Variants in THSD7B observed in about 807,000 individuals in gnomAD.
The protein encoded by THSD7B is thrombospondin type-1 domain-containing protein 7B.
In THSD7B, 138 loss-of-function variants were observed where a neutral mutation model predicts 213.6. That is an observed-to-expected ratio of 0.65 (90% CI 0.56 to 0.74). THSD7B has a LOEUF of 0.74. Ranked by LOEUF, THSD7B falls within the 30% of genes least tolerant of loss-of-function variation. The probability of loss-of-function intolerance (pLI) is 0.00; values close to 1 mark genes in which losing one functional copy is unlikely to be tolerated. For missense variants in THSD7B, 1,931 were observed against 1,991.5 expected (o/e 0.97, Z 0.58); for synonymous variants, 742 against 687.0 (o/e 1.08, Z -1.25).
chr2:137,405,572 T>G lies in THSD7B; in HGVS notation c.2501-41T>G, dbSNP rs749846105. The G allele has an allele frequency of 2.6e-6, 4 of 1,539,642 alleles. No homozygotes were observed. In the African/African-American group the frequency reaches 5.5e-5, roughly 21 times the overall value. On this transcript the variant is annotated intron_variant, in intron 12 of 27. Transcript: ENST00000409968. ...GTCAAAGAACCAGCAGCTGACTGAT[T>G]TAATCAAAATAATAACAAAAGAATT...
chr2:137,516,619 G>A (rs1424728753), intron 15 of THSD7B, among the ~76,000 whole-genome samples: 1 of 152,166 alleles, frequency 6.6e-6, no homozygotes, highest in Non-Finnish European at 1.5e-5. Context: ...GTAATTTATG[G>A]AGTTTTAGCT....
chr2:137,354,081 C>T (rs1388051417), intron 12 of THSD7B, among the ~76,000 whole-genome samples: 1 of 151,934 alleles, frequency 6.6e-6, no homozygotes, highest in East Asian at 1.9e-4. Flanking sequence ...ATTTCCCTCC[C>T]CTCTGCTTGA....
At chr2:136,769,639 A>G (rs1681470059) in intron 1 of THSD7B, among the ~76,000 whole-genome samples, 1 of 152,234 alleles carries the variant, frequency 6.6e-6, no homozygotes, top group Admixed American at 6.5e-5. Flanking sequence ...AGTATGTATA[A>G]AAGCATCGCT....
intron 25 of THSD7B, 127 bp from the exon 26 acceptor site, chr2:137,663,256 T>A: frequency 1.5e-6 from 1 of 666,194 alleles, no homozygotes; most frequent in Non-Finnish European, 2.2e-6. Context: ...CACTGGTAAG[T>A]CAGTTGCCCC....
chr2:137,496,737 T>G (rs112014350), intron 15 of THSD7B, among the ~76,000 whole-genome samples: 30 of 152,328 alleles, frequency 2.0e-4, no homozygotes, highest in African/African-American at 6.7e-4. Flanking sequence ...AAATACCTCA[T>G]GAGTAGAGGC....
At chr2:137,117,269 C>G (rs1281220414) in intron 5 of THSD7B, among the ~76,000 whole-genome samples, 1 of 152,056 alleles carries the variant, frequency 6.6e-6, no homozygotes, top group Non-Finnish European at 1.5e-5. Context: ...ATAGATGTAC[C>G]TTGACAAATC....
At chr2:137,601,306 C>T (rs1368113617) in intron 17 of THSD7B, among the ~76,000 whole-genome samples, 1 of 152,184 alleles carries the variant, frequency 6.6e-6, no homozygotes, top group Non-Finnish European at 1.5e-5. Flanking sequence ...GGCACAACTT[C>T]CAGTCCTGCA....
In THSD7B at chr2:137,432,427, C is replaced by A. The variant is rs563375777; in HGVS notation, c.2960-18418C>A. Among the ~76,000 whole-genome samples, 5 of 152,118 alleles carry A rather than the reference C, an allele frequency of 3.3e-5. No homozygotes were observed. The East Asian group carries it at 9.7e-4, about 29-fold the overall frequency. On this transcript the variant is annotated intron_variant, in intron 14 of 27. Coordinates refer to ENST00000409968, the MANE Select transcript of THSD7B (RefSeq NM_001316349.2). ...AATAAAAATAAAAAATAAAAATTGTCGGCATAAGAGGATTTCACAAATTTG... is the reference window on the plus strand; with the variant it reads ...AATAAAAATAAAAAATAAAAATTGTAGGCATAAGAGGATTTCACAAATTTG...
At chr2:137,554,149 T>C (rs1680904477) in intron 15 of THSD7B, among the ~76,000 whole-genome samples, 1 of 152,182 alleles carries the variant, frequency 6.6e-6, no homozygotes, top group Admixed American at 6.5e-5. Context: ...TTCCTTCTAA[T>C]CATCCTTTGT....
chr2:137,072,094 T>C (rs977301195), intron 3 of THSD7B, among the ~76,000 whole-genome samples: 5 of 152,202 alleles, frequency 3.3e-5, no homozygotes, highest in Admixed American at 2.0e-4. Flanking sequence ...ATGCAGGCTC[T>C]TTTTTGGTTC....
intron 3 of THSD7B, among the ~76,000 whole-genome samples, chr2:137,060,068 G>A (rs556277271): frequency 6.6e-6 from 1 of 152,172 alleles, no homozygotes; most frequent in East Asian, 1.9e-4. Flanking sequence ...ATTCGAATAG[G>A]TGTGTAATGG....
intron 12 of THSD7B, among the ~76,000 whole-genome samples, chr2:137,402,585 G>A (rs1283346805): frequency 6.6e-6 from 1 of 152,026 alleles, no homozygotes; most frequent in Non-Finnish European, 1.5e-5. Context: ...GGGAGGTCGA[G>A]GTGGGCAGAT....
intron 7 of THSD7B, among the ~76,000 whole-genome samples, chr2:137,220,258 C>G (rs2375453): frequency 0.6 from 90,338 of 151,372 alleles, 27,324 homozygotes; most frequent in South Asian, 0.71. Context: ...AAAAAAGACT[C>G]TAAAAGGACA....
At chr2:137,316,771 A>G (rs998197348) in intron 12 of THSD7B, among the ~76,000 whole-genome samples, 14 of 15,562 alleles carry the variant, frequency 9.0e-4, no homozygotes, top group African/African-American at 2.0e-3. Flanking sequence ...AAAAAAAAAG[A>G]AAAAGAAAAA....
At chr2:137,553,060 A>G (rs1680881403) in intron 15 of THSD7B, among the ~76,000 whole-genome samples, 1 of 152,182 alleles carries the variant, frequency 6.6e-6, no homozygotes, top group African/African-American at 2.4e-5. Context: ...TATTGATCTC[A>G]GTGTTCCTAG....
intron 15 of THSD7B, among the ~76,000 whole-genome samples, chr2:137,545,967 T>A (rs977090382): frequency 1.3e-5 from 2 of 151,802 alleles, no homozygotes; most frequent in African/African-American, 4.8e-5. Context: ...GCTTATTTTT[T>A]AAATTAATTC....
At chr2:137,140,190 C>G (rs956665789) in intron 5 of THSD7B, among the ~76,000 whole-genome samples, 11 of 152,012 alleles carry the variant, frequency 7.2e-5, no homozygotes, top group African/African-American at 2.7e-4. Context: ...GATGTACATG[C>G]AGAATATTTT....
intron 1 of THSD7B, among the ~76,000 whole-genome samples, chr2:136,870,334 G>A (rs192019192): frequency 3.3e-5 from 5 of 152,224 alleles, no homozygotes; most frequent in South Asian, 2.1e-4. Flanking sequence ...AAACTTCCTC[G>A]AAAAAATTAT....
At chr2:137,551,394 G>A (rs1368381165) in intron 15 of THSD7B, among the ~76,000 whole-genome samples, 1 of 152,070 alleles carries the variant, frequency 6.6e-6, no homozygotes, top group Non-Finnish European at 1.5e-5. Context: ...TAATCACAAT[G>A]GTGCCTACAT....
Sources: allele counts gnomAD v4.1 joint callset (sites outside exome capture counted in the v4.1 genomes callset), GRCh38; gene constraint gnomAD v4.1.1; transcripts MANE v1.5; gene names NCBI Gene and HGNC (gene_info 2026-07-23, HGNC 2026-07-21).